DYDC1: variants seen among roughly 807,000 people sequenced by gnomAD.
DYDC1 encodes DPY30 domain-containing protein 1.
In DYDC1, 21 loss-of-function variants were observed where a neutral mutation model predicts 27.9. The observed-to-expected ratio is 0.75, with a 90% confidence interval of 0.53 to 1.08. DYDC1 has a LOEUF of 1.08. Among genes scored for constraint, DYDC1 ranks in the 50% least tolerant of loss-of-function variants. DYDC1 has a pLI of 0.00. For missense variants in DYDC1, 202 were observed against 205.9 expected (o/e 0.98, Z 0.12); for synonymous variants, 67 against 65.8 (o/e 1.02, Z -0.09).
chr10:80,352,905 T>C (rs966996710), intron 1 of DYDC1, among the ~76,000 whole-genome samples: 16 of 152,192 alleles, frequency 1.1e-4, no homozygotes, highest in African/African-American at 3.9e-4. Flanking sequence ...TGCCAAGTAA[T>C]GTGGGTCTCA....
At chr10:80,342,112 T>G (rs1175238930) in intron 4 of DYDC1, among the ~76,000 whole-genome samples, 157 bp downstream of exon 4, 1 of 151,970 alleles carries the variant, frequency 6.6e-6, no homozygotes, top group African/African-American at 2.4e-5. Context: ...AAACTGAGAC[T>G]GAAAAAGGTT....
chr10:80,349,917 C>T (rs1342343850), intron 3 of DYDC1, among the ~76,000 whole-genome samples: 2 of 152,158 alleles, frequency 1.3e-5, no homozygotes, highest in African/African-American at 2.4e-5. Context: ...GTGGAGAGTG[C>T]CTAAAATATC....
intron 1 of DYDC1, 92 bp downstream of exon 1, chr10:80,356,620 G>C (rs1394597745): frequency 2.0e-6 from 2 of 985,522 alleles, no homozygotes; most frequent in Non-Finnish European, 2.4e-6. Flanking sequence ...GACGCCCAAG[G>C]CCCAACGGTC....
chr10:80,352,433 C>A, intron 2 of DYDC1, 22 bp downstream of exon 2: 1 of 1,551,196 alleles, frequency 6.4e-7, no homozygotes, highest in Non-Finnish European at 8.7e-7. Flanking sequence ...TTCTAATTTC[C>A]TAGAAGGAGA....
chr10:80,350,051 TTTC>T (rs1842892884), intron 3 of DYDC1, among the ~76,000 whole-genome samples: 2 of 152,154 alleles, frequency 1.3e-5, no homozygotes, highest in South Asian at 4.1e-4. Context: ...CCTCTCTGTT[TTTC>T]TTCATCTCAG....
rs1564667094 is a variant in DYDC1, at chr10:80,352,629, TG to T, written c.-9-20del. The T allele has an allele frequency of 6.3e-7, 1 of 1,593,034 alleles. No homozygotes were observed. Among genetic ancestry groups the T allele is most frequent in the Admixed American group, 1.8e-5 (1 of 54,404 alleles). ...CTAACTCCTAAAAAGTAAGTGTTTT[TG>T]CATTACTGCAGGATATTTTCAATAA... On this transcript the variant is annotated intron_variant, in intron 1 of 6. Transcript: ENST00000372202.
chr10:80,341,898 C>A (rs1257517231), intron 4 of DYDC1, among the ~76,000 whole-genome samples: 2 of 151,980 alleles, frequency 1.3e-5, no homozygotes, highest in African/African-American at 2.4e-5. Context: ...GTGGTGCGTG[C>A]CTGTAATTCC....
At chr10:80,339,845 T>C (rs1589497983) in intron 4 of DYDC1, among the ~76,000 whole-genome samples, 1 of 152,306 alleles carries the variant, frequency 6.6e-6, no homozygotes, top group East Asian at 1.9e-4. Flanking sequence ...ACAGCACTGT[T>C]TTCCCAAGAC....
intron 3 of DYDC1, among the ~76,000 whole-genome samples, chr10:80,349,187 G>C (rs1163399353): frequency 6.6e-6 from 1 of 152,146 alleles, no homozygotes; most frequent in African/African-American, 2.4e-5. Context: ...CACCGCGCCC[G>C]GCCCGCAGAT....
chr10:80,338,368 A>G (rs1430712684), intron 6 of DYDC1, 99 bp downstream of exon 6: 2 of 1,500,618 alleles, frequency 1.3e-6, no homozygotes, highest in Non-Finnish European at 1.8e-6. Flanking sequence ...TTGCCAACCA[A>G]TCCTGGCCTA....
chr10:80,338,281 A>T, intron 6 of DYDC1, 186 bp downstream of exon 6: 1 of 1,332,876 alleles, frequency 7.5e-7, no homozygotes, highest in Non-Finnish European at 9.6e-7. Context: ...CACACTTCAC[A>T]AAAGGGCAGA....
intron 3 of DYDC1, among the ~76,000 whole-genome samples, chr10:80,346,461 T>TTTTTTTTTTTTTTTTTTTTTTTC (rs1359298251): frequency 7.3e-6 from 1 of 136,934 alleles, no homozygotes; most frequent in African/African-American, 2.9e-5. Flanking sequence ...TTTTTTTTTT[T>TTTTTTTTTTTTTTTTTTTTTTTC]TTTTTTTTTT....
chr10:80,341,335 C>T (rs1050040834), intron 4 of DYDC1, among the ~76,000 whole-genome samples: 5 of 149,198 alleles, frequency 3.4e-5, no homozygotes, highest in African/African-American at 7.4e-5. Flanking sequence ...CCCAGCTACT[C>T]GGGAGGCTGA....
Position 80,356,701 on chromosome 10 carries a change from G to A in DYDC1, c.-10+11C>T, listed in dbSNP as rs1843390254. On this transcript the variant is annotated intron_variant, in intron 1 of 6. Transcript: ENST00000372202. ...TCCCAAAAACAGTTCGGGCCTTTCCGGTGCGCTCACCCCTACACACGCGCC... is the reference window on the plus strand; with the variant it reads ...TCCCAAAAACAGTTCGGGCCTTTCCAGTGCGCTCACCCCTACACACGCGCC... 1 of 984,494 alleles carries A rather than the reference G, an allele frequency of 1.0e-6. No individual in the cohort carries two copies. The highest frequency in any genetic ancestry group is 4.7e-5 in the South Asian group (1 of 21,280). The allele number at this position is 984,494 out of a possible 1,614,324, so 61.0% of individuals were successfully genotyped here.
At chr10:80,356,502 C>G in intron 1 of DYDC1, 2 of 985,422 alleles carry the variant, frequency 2.0e-6, no homozygotes. Context: ...TCCCGCAGCC[C>G]GCAGGAGACG....
intron 3 of DYDC1, among the ~76,000 whole-genome samples, chr10:80,343,252 C>T (rs1374726490): frequency 2.0e-5 from 3 of 152,040 alleles, no homozygotes; most frequent in Admixed American, 6.6e-5. Context: ...ATCCTTAAAG[C>T]TTTATTGAAA....
At chr10:80,347,852 A>G (rs938866797) in intron 3 of DYDC1, among the ~76,000 whole-genome samples, 1 of 152,132 alleles carries the variant, frequency 6.6e-6, no homozygotes, top group Non-Finnish European at 1.5e-5. Flanking sequence ...TGTAATTACT[A>G]TGGCTTTGTA....
chr10:80,345,902 G>C (rs1842591580), intron 3 of DYDC1, among the ~76,000 whole-genome samples: 1 of 152,190 alleles, frequency 6.6e-6, no homozygotes, highest in African/African-American at 2.4e-5. Context: ...CTGTCACCCA[G>C]GTGGGAGTGC....
intron 3 of DYDC1, among the ~76,000 whole-genome samples, chr10:80,345,377 A>G (rs1842550333): frequency 6.6e-6 from 1 of 152,202 alleles, no homozygotes; most frequent in South Asian, 2.1e-4. Context: ...TGCTTACCAC[A>G]GGTAAGCAAT....
Sources: gnomAD v4.1 joint callset for allele counts (sites outside exome capture counted in the v4.1 genomes callset) on GRCh38, gnomAD v4.1.1 for gene constraint, MANE v1.5 for transcripts, NCBI Gene and HGNC (gene_info 2026-07-23, HGNC 2026-07-21) for gene names.